Variants in CDH1 observed in about 807,000 individuals in gnomAD.
The protein encoded by CDH1 is cadherin-1.
CDH1 carries 35 observed loss-of-function variants against 84.5 expected under a neutral mutation model. The ratio of observed to expected loss-of-function variants is 0.41; its 90% CI spans 0.32 to 0.55. The LOEUF is 0.55. CDH1 is among the 20% of genes least tolerant of loss of function. The pLI is 0.19. For missense variants in CDH1, 994 were observed against 1,126.6 expected (o/e 0.88, Z 1.68); for synonymous variants, 417 against 439.0 (o/e 0.95, Z 0.63).
chr16:68,768,641 T>C (rs1341708717), intron 2 of CDH1, among the ~76,000 whole-genome samples: 1 of 152,190 alleles, frequency 6.6e-6, no homozygotes, highest in African/African-American at 2.4e-5. Flanking sequence ...AGAGGATCAG[T>C]TGAGCCCAAG....
chr16:68,787,763 G>T (rs567584902), intron 2 of CDH1, among the ~76,000 whole-genome samples: 1 of 149,496 alleles, frequency 6.7e-6, no homozygotes, highest in South Asian at 2.1e-4. Flanking sequence ...GGTTCAAGCA[G>T]TTCTCCCACT....
At chr16:68,757,811 G>A (rs773825789) in intron 2 of CDH1, among the ~76,000 whole-genome samples, 11 of 134,266 alleles carry the variant, frequency 8.2e-5, no homozygotes, top group Admixed American at 2.4e-4. Flanking sequence ...TCTTTTTTTT[G>A]AGACAGGGCC....
intron 2 of CDH1, among the ~76,000 whole-genome samples, chr16:68,743,334 TC>T: frequency 3.9e-5 from 1 of 25,824 alleles, no homozygotes; most frequent in African/African-American, 1.4e-4. Flanking sequence ...TTTCTTTCTT[TC>T]TTTCTTTCTT....
intron 2 of CDH1, among the ~76,000 whole-genome samples, chr16:68,767,074 T>A (rs199977558): frequency 1.1e-4 from 16 of 152,102 alleles, no homozygotes; most frequent in Non-Finnish European, 2.1e-4. Context: ...GAAGTTCATT[T>A]AGCTGTGGTC....
intron 2 of CDH1, among the ~76,000 whole-genome samples, chr16:68,760,091 T>A (rs1256929117): frequency 4.1e-4 from 60 of 147,758 alleles, no homozygotes; most frequent in African/African-American, 9.6e-4. Context: ...TATATATTTT[T>A]TTTTTTTTTT....
intron 15 of CDH1, among the ~76,000 whole-genome samples, chr16:68,832,353 G>A (rs922025623): frequency 6.6e-6 from 1 of 151,542 alleles, no homozygotes; most frequent in African/African-American, 2.4e-5. Flanking sequence ...GTACACACCT[G>A]TAATCCCAGC....
At position 68,791,951 on chromosome 16, in the gene CDH1, C is replaced by T. The variant is rs55781564; in HGVS notation, c.164-9719C>T. 5.8e-3 allele frequency among the ~76,000 whole-genome samples: 874 copies of T among 151,946 alleles called. 7 individuals carry two copies. Among genetic ancestry groups the T allele is most frequent in the African/African-American group, 0.02 (845 of 41,410 alleles). On this transcript the variant is annotated intron_variant, in intron 2 of 15. Transcript: ENST00000261769. ...TGTTTATTTTTTTGAGATGGAGTCT[C>T]TCTCTGTTGCCCAGGCTGGAGTGCA...
intron 2 of CDH1, among the ~76,000 whole-genome samples, chr16:68,758,804 G>A (rs931569582): frequency 6.9e-6 from 1 of 144,692 alleles, no homozygotes; most frequent in African/African-American, 2.6e-5. Flanking sequence ...ATCCATTTGA[G>A]TGCAATTTTT....
intron 2 of CDH1, among the ~76,000 whole-genome samples, chr16:68,789,568 A>G (rs879292593): frequency 4.6e-5 from 7 of 151,620 alleles, no homozygotes; most frequent in African/African-American, 7.3e-5. Flanking sequence ...CACATAGCAT[A>G]TATTACACCA....
chr16:68,739,526 A>C (rs921355469), intron 2 of CDH1, among the ~76,000 whole-genome samples: 1 of 152,052 alleles, frequency 6.6e-6, no homozygotes, highest in African/African-American at 2.4e-5. Context: ...CAGCCTCTCA[A>C]AGTGCTGGGA....
At position 68,799,958 on chromosome 16, in the gene CDH1, C is replaced by T. The variant is rs187311472; in HGVS notation, c.164-1712C>T. 4.8e-3 allele frequency among the ~76,000 whole-genome samples: 727 copies of T among 151,010 alleles called. 1 individual carries two copies. Among genetic ancestry groups the T allele is most frequent in the Admixed American group, 7.4e-3 (111 of 15,100 alleles). On this transcript the variant is annotated intron_variant, in intron 2 of 15. Transcript: ENST00000261769. ...CCAGGAGGCGGAGGTTTCAGTGAGCCGAGATCGTGCCACTGCACTCCAGCC... is the reference window on the plus strand; with the variant it reads ...CCAGGAGGCGGAGGTTTCAGTGAGCTGAGATCGTGCCACTGCACTCCAGCC...
chr16:68,755,530 G>A (rs981925115), intron 2 of CDH1, among the ~76,000 whole-genome samples: 14 of 150,950 alleles, frequency 9.3e-5, no homozygotes, highest in African/African-American at 4.9e-5. Context: ...ACAGGTCTGA[G>A]CCACCATGCC....
rs181554088 is a variant in CDH1, at chr16:68,741,296, C to A, written c.163+2885C>A. Among the ~76,000 whole-genome samples the A allele has an allele frequency of 1.1e-3, 166 of 152,204 alleles. 1 individual carries two copies. The highest frequency in any genetic ancestry group is 3.8e-3 in the African/African-American group (158 of 41,522). On this transcript the variant is annotated intron_variant, in intron 2 of 15. Transcript: ENST00000261769. ...GTGGAGTCGCCCCAGGATGGAAGTG[C>A]CCTTCTGGTAAAATCACACGTTCAA...
chr16:68,766,288 C>A (rs1959382199), intron 2 of CDH1, among the ~76,000 whole-genome samples: 1 of 151,958 alleles, frequency 6.6e-6, no homozygotes, highest in South Asian at 2.1e-4. Context: ...TTATATTACC[C>A]CATTTTATGG....
In CDH1 at chr16:68,813,398, C is replaced by T. The variant is rs138135866; in HGVS notation, c.1223C>T (p.Ala408Val). The T allele has an allele frequency of 9.0e-5, 146 of 1,613,918 alleles. 1 individual carries two copies. The South Asian group carries it at 9.6e-4, about 11-fold the overall frequency. Residue 408 changes from alanine to valine, a missense_variant, in exon 9 of 16, where the codon GCG (alanine) becomes GTG (valine). By Grantham distance (64) the Ala-to-Val change is moderately conservative. Transcript: ENST00000261769. ...GATGCTGATGCCCCCAATACCCCAG[C>T]GTGGGAGGCTGTATACACCATATTG... ...VTDADAPNTP[A>V]WEAVYTILND...
chr16:68,797,337 G>A lies in CDH1; in HGVS notation c.164-4333G>A, dbSNP rs980430278. Among the ~76,000 whole-genome samples, 9 of 152,096 alleles carry A rather than the reference G, an allele frequency of 5.9e-5. No individual in the cohort carries two copies. In the East Asian group the frequency reaches 9.6e-4, roughly 16 times the overall value. The stretch of plus-strand genomic sequence containing the variant: ...GAAGCTGAGGCTGCGGTGAGCTAGC[G>A]TTTGTGCCACTGCACTTTAGCCTGG... On this transcript the variant is annotated intron_variant, in intron 2 of 15. Transcript: ENST00000261769.
At chr16:68,821,080 C>T (rs1961129931) in intron 11 of CDH1, among the ~76,000 whole-genome samples, 1 of 152,138 alleles carries the variant, frequency 6.6e-6, no homozygotes, top group African/African-American at 2.4e-5. Flanking sequence ...TGTTTTGTAT[C>T]CGTATCGTAT....
intron 2 of CDH1, among the ~76,000 whole-genome samples, chr16:68,744,309 G>A (rs1469773744): frequency 6.6e-6 from 1 of 152,210 alleles, no homozygotes; most frequent in African/African-American, 2.4e-5. Context: ...CAGGCAGGGA[G>A]ATCTCAAACC....
chr16:68,805,870 G>A (rs145998089), intron 3 of CDH1, among the ~76,000 whole-genome samples: 9 of 152,304 alleles, frequency 5.9e-5, no homozygotes, highest in Admixed American at 1.3e-4. Context: ...AAGCCTGCTG[G>A]GATTACAGGC....
Sources: allele counts gnomAD v4.1 joint callset (sites outside exome capture counted in the v4.1 genomes callset), GRCh38; gene constraint gnomAD v4.1.1; transcripts MANE v1.5; gene names NCBI Gene and HGNC (gene_info 2026-07-23, HGNC 2026-07-21).